SMYD3: variants seen among roughly 807,000 people sequenced by gnomAD.
The protein encoded by SMYD3 is histone-lysine N-methyltransferase SMYD3.
A neutral mutation model predicts 57.7 loss-of-function variants in SMYD3; 36 were observed. The ratio of observed to expected loss-of-function variants is 0.62; its 90% confidence interval spans 0.48 to 0.82. The LOEUF is 0.82. SMYD3 is among the 40% of genes least tolerant of loss of function. SMYD3 has a pLI of 0.00. For missense variants in SMYD3, 515 were observed against 538.8 expected (o/e 0.96, Z 0.44); for synonymous variants, 211 against 195.0 (o/e 1.08, Z -0.68).
chr1:245,850,925 T>C (rs546524583), intron 10 of SMYD3, among the ~76,000 whole-genome samples: 1 of 152,244 alleles, frequency 6.6e-6, no homozygotes, highest in East Asian at 1.9e-4. Context: ...GGCTTCTGGG[T>C]ACCCTTCCAG....
chr1:245,757,844 A>T (rs1572253881), intron 11 of SMYD3, among the ~76,000 whole-genome samples: 1 of 152,204 alleles, frequency 6.6e-6, no homozygotes, highest in East Asian at 1.9e-4. Flanking sequence ...TAAATTTTAA[A>T]ATCAAGAACT....
At chr1:246,214,851 G>A (rs568076633) in intron 5 of SMYD3, among the ~76,000 whole-genome samples, 1 of 152,262 alleles carries the variant, frequency 6.6e-6, no homozygotes. Flanking sequence ...TAAACTTGCT[G>A]AGCCCCAAAA....
At chr1:246,189,896 CA>C (rs2062704111) in intron 5 of SMYD3, among the ~76,000 whole-genome samples, 1 of 152,150 alleles carries the variant, frequency 6.6e-6, no homozygotes, top group African/African-American at 2.4e-5. Context: ...TCTCTAAAAG[CA>C]ACATGTACAT....
chr1:245,929,170 A>C (rs796733623), intron 6 of SMYD3, among the ~76,000 whole-genome samples: 1 of 152,218 alleles, frequency 6.6e-6, no homozygotes, highest in East Asian at 1.9e-4. Flanking sequence ...CATGCTTTGA[A>C]TCATCCTATG....
At chr1:245,782,136 CCTT>C (rs1042552901) in intron 10 of SMYD3, among the ~76,000 whole-genome samples, 2 of 152,164 alleles carry the variant, frequency 1.3e-5, no homozygotes, top group African/African-American at 4.8e-5. Context: ...ATGTATCACT[CCTT>C]CTACATTGTG....
At chr1:246,469,164 A>C (rs2067923777) in intron 1 of SMYD3, among the ~76,000 whole-genome samples, 1 of 152,168 alleles carries the variant, frequency 6.6e-6, no homozygotes, top group Admixed American at 6.5e-5. Context: ...CACTCACTGG[A>C]GAGGCCTCTC....
chr1:245,866,469 T>C (rs1265121410), intron 8 of SMYD3, among the ~76,000 whole-genome samples: 1 of 152,140 alleles, frequency 6.6e-6, no homozygotes, highest in Non-Finnish European at 1.5e-5. Flanking sequence ...CGGCGGCTCA[T>C]GCCTGTAATC....
intron 4 of SMYD3, among the ~76,000 whole-genome samples, chr1:246,329,613 T>G (rs2148664578): frequency 6.6e-6 from 1 of 152,304 alleles, no homozygotes; most frequent in Admixed American, 6.5e-5. Context: ...ATGAGTAGGT[T>G]GCAAAAATTT....
intron 6 of SMYD3, among the ~76,000 whole-genome samples, chr1:245,929,366 T>A (rs1474991244): frequency 6.6e-6 from 1 of 152,136 alleles, no homozygotes; most frequent in Non-Finnish European, 1.5e-5. Flanking sequence ...GGAGAGACGG[T>A]TTCATAGCTC....
intron 5 of SMYD3, among the ~76,000 whole-genome samples, chr1:246,292,040 C>T (rs2064702358): frequency 1.3e-5 from 2 of 151,776 alleles, no homozygotes; most frequent in South Asian, 4.2e-4. Context: ...ACTTACTATC[C>T]AACACACCAG....
chr1:246,407,606 C>T (rs1392055061), intron 1 of SMYD3, among the ~76,000 whole-genome samples: 2 of 152,120 alleles, frequency 1.3e-5, no homozygotes, highest in African/African-American at 4.8e-5. Context: ...CTTTGGGAAG[C>T]AGAGGCGGGT....
At chr1:246,501,412 T>C (rs1384904491) in intron 1 of SMYD3, among the ~76,000 whole-genome samples, 1 of 152,208 alleles carries the variant, frequency 6.6e-6, no homozygotes, top group Non-Finnish European at 1.5e-5. Flanking sequence ...TGACCAAAAA[T>C]CTTTTCTTAC....
intron 5 of SMYD3, among the ~76,000 whole-genome samples, chr1:245,945,071 G>A (rs972250663): frequency 1.3e-5 from 2 of 152,118 alleles, no homozygotes; most frequent in South Asian, 4.1e-4. Flanking sequence ...TCAGGACATA[G>A]GCATAGGCAA....
At chr1:246,218,285 G>T (rs1036868999) in intron 5 of SMYD3, among the ~76,000 whole-genome samples, 2 of 151,998 alleles carry the variant, frequency 1.3e-5, no homozygotes, top group African/African-American at 4.8e-5. Flanking sequence ...ATTTCGTGGG[G>T]TGGAGAGGGA....
rs77526388 is a variant in SMYD3 at position 245,936,728 on chromosome 1, C to G, written c.532-6791G>C. Among the ~76,000 whole-genome samples, 4 of 148,936 alleles carry G rather than the reference C, an allele frequency of 2.7e-5. No individual in the cohort carries two copies. In the South Asian group the frequency reaches 6.6e-4, roughly 24 times the overall value. On this transcript the variant is annotated intron_variant, in intron 5 of 11. Coordinates refer to ENST00000490107, the MANE Select transcript of SMYD3 (RefSeq NM_001167740.2). ...TGGGCAACATGGCAAAACCTCGCCA[C>G]TATAAAAAATACAAAAATTAGCTGG... is the stretch of plus-strand genomic sequence containing the variant.
intron 1 of SMYD3, among the ~76,000 whole-genome samples, chr1:246,408,035 G>A (rs2066896176): frequency 6.6e-6 from 1 of 151,726 alleles, no homozygotes; most frequent in Admixed American, 6.6e-5. Context: ...TGGCAGAAGG[G>A]GAAGTCAGCT....
chr1:246,460,986 A>G (rs950217565), intron 1 of SMYD3, among the ~76,000 whole-genome samples: 5 of 152,246 alleles, frequency 3.3e-5, no homozygotes, highest in Admixed American at 6.5e-5. Flanking sequence ...CAAGGCTACA[A>G]GCCATGACAA....
At chr1:245,915,418 T>A in intron 8 of SMYD3, 112 bp downstream of exon 8, 1 of 610,814 alleles carries the variant, frequency 1.6e-6, no homozygotes, top group Non-Finnish European at 2.9e-6. Context: ...ATCTGTTTCC[T>A]ACCATGTACT....
At chr1:246,244,297 T>C (rs2063667571) in intron 5 of SMYD3, among the ~76,000 whole-genome samples, 2 of 152,152 alleles carry the variant, frequency 1.3e-5, no homozygotes, top group Admixed American at 6.5e-5. Flanking sequence ...TATAGGTATC[T>C]TGGGGCTAGC....
Sources: allele counts gnomAD v4.1 joint callset (sites outside exome capture counted in the v4.1 genomes callset), GRCh38; gene constraint gnomAD v4.1.1; transcripts MANE v1.5; gene names NCBI Gene and HGNC (gene_info 2026-07-23, HGNC 2026-07-21).